Variants in RTL4 observed in about 807,000 individuals in gnomAD.
The protein encoded by RTL4 is retrotransposon Gag-like protein 4.
A neutral mutation model predicts 5.3 loss-of-function variants in RTL4; 4 were observed. That is an observed-to-expected ratio of 0.75 (90% CI 0.37 to 1.72). The LOEUF (loss-of-function observed/expected upper bound fraction) is 1.72, where lower values mean the gene tolerates loss of function less well. RTL4 is among the 40% of genes most tolerant of loss of function. The probability of loss-of-function intolerance (pLI) is 0.04; values close to 1 mark genes in which losing one functional copy is unlikely to be tolerated. For missense variants in RTL4, 260 were observed against 227.1 expected, an observed-to-expected ratio of 1.14 and a Z score of -0.93; for synonymous variants, 98 against 87.3, an observed-to-expected ratio of 1.12 and a Z score of -0.68.
At chrX:112,201,065 C>T in the RTL4 span, among the ~76,000 whole-genome samples, 14 of 111,319 alleles carry the variant, frequency 1.3e-4, no homozygotes, top group South Asian at 7.7e-4. Context: ...TCAGCACTGC[C>T]GAGGAGACCT....
At chrX:112,442,265 G>T in the RTL4 span, among the ~76,000 whole-genome samples, 5 of 107,314 alleles carry the variant, frequency 4.7e-5, no homozygotes, top group African/African-American at 1.7e-4. Context: ...TTTTGAGATG[G>T]AGTCTTGCTC....
the RTL4 span, among the ~76,000 whole-genome samples, chrX:112,161,836 C>CTTTTCTTTCTTTCTTTCTTTCTTT: frequency 1.8e-3 from 63 of 35,226 alleles, no homozygotes; most frequent in African/African-American, 7.6e-3. Context: ...TTCCTTCCTT[C>CTTTTCTTTCTTTCTTTCTTTCTTT]CTTCCTTCCT....
At chrX:112,359,536 C>CTTGAG in the RTL4 span, among the ~76,000 whole-genome samples, 36,297 of 109,861 alleles carry the variant, frequency 0.33, 5,916 homozygotes, top group African/African-American at 0.62. Context: ...TGTACCTTCT[C>CTTGAG]AAGTACTTTT....
At chrX:112,106,940 G>A in the RTL4 span, among the ~76,000 whole-genome samples, 1 of 111,699 alleles carries the variant, frequency 9.0e-6, no homozygotes, top group Non-Finnish European at 1.9e-5. Context: ...TAGATAGTTT[G>A]CAAATATTTT....
chrX:112,456,878 TTA>T (rs1926854099), exon 1 of RTL4: 1 of 123,744 alleles, frequency 8.1e-6, no homozygotes, highest in African/African-American at 3.2e-5. Flanking sequence ...ATTTTATTGC[TTA>T]TGTTTTACTC....
the RTL4 span, among the ~76,000 whole-genome samples, chrX:112,263,732 T>A: frequency 9.9e-5 from 11 of 111,454 alleles, no homozygotes; most frequent in Non-Finnish European, 1.9e-4. Flanking sequence ...TTAAATTGTG[T>A]AAGGGAGCAA....
chrX:112,357,515 A>G, the RTL4 span, among the ~76,000 whole-genome samples: 21 of 112,100 alleles, frequency 1.9e-4, no homozygotes, highest in Non-Finnish European at 2.3e-4. Context: ...TAAGATTACA[A>G]CAAACCAAAA....
the RTL4 span, among the ~76,000 whole-genome samples, chrX:112,221,572 C>T: frequency 6.3e-5 from 7 of 111,769 alleles, no homozygotes; most frequent in African/African-American, 2.3e-4. Flanking sequence ...CCTTAGCAAC[C>T]CTAGAAGGAA....
the RTL4 span, among the ~76,000 whole-genome samples, chrX:112,255,376 G>A: frequency 2.2e-4 from 25 of 111,881 alleles, no homozygotes; most frequent in African/African-American, 7.8e-4. Flanking sequence ...ACAACGTATG[G>A]AGACCAAATT....
the RTL4 span, among the ~76,000 whole-genome samples, chrX:112,219,912 C>G: frequency 4.5e-5 from 5 of 111,765 alleles, no homozygotes; most frequent in South Asian, 7.5e-4. Flanking sequence ...GATAGAAAAA[C>G]CTTTCTTTCT....
At chrX:112,220,946 G>A in the RTL4 span, among the ~76,000 whole-genome samples, 1 of 111,966 alleles carries the variant, frequency 8.9e-6, no homozygotes, top group Non-Finnish European at 1.9e-5. Flanking sequence ...TCCAACCTCT[G>A]CCTGTTATCC....
At chrX:112,121,438 A>G in the RTL4 span, among the ~76,000 whole-genome samples, 4 of 112,163 alleles carry the variant, frequency 3.6e-5, no homozygotes, top group African/African-American at 1.3e-4. Flanking sequence ...AACTAAATAA[A>G]TTTATTAACT....
chrX:112,120,514 G>C, the RTL4 span, among the ~76,000 whole-genome samples: 2 of 109,074 alleles, frequency 1.8e-5, no homozygotes, highest in African/African-American at 6.7e-5. Context: ...CTGACCTCGT[G>C]ATCTGCCCAC....
chrX:112,191,488 C>G, the RTL4 span, among the ~76,000 whole-genome samples: 2 of 111,591 alleles, frequency 1.8e-5, no homozygotes, highest in African/African-American at 6.5e-5. Context: ...ACAGAAAAGC[C>G]TAGACCCATT....
the RTL4 span, among the ~76,000 whole-genome samples, chrX:112,392,132 G>A: frequency 9.0e-6 from 1 of 111,693 alleles, no homozygotes; most frequent in Non-Finnish European, 1.9e-5. Flanking sequence ...TAGTCTGAGG[G>A]TAGCAAGGGC....
chrX:112,401,447 C>T, the RTL4 span, among the ~76,000 whole-genome samples: 1 of 111,709 alleles, frequency 9.0e-6, no homozygotes, highest in Non-Finnish European at 1.9e-5. Flanking sequence ...AATTCAACAG[C>T]TTGGTGTGTT....
At chrX:112,325,793 T>A in the RTL4 span, among the ~76,000 whole-genome samples, 3 of 112,115 alleles carry the variant, frequency 2.7e-5, no homozygotes, top group African/African-American at 6.5e-5. Context: ...AAGCCAAAAT[T>A]CACAAATGGG....
chrX:112,175,699 T>C, the RTL4 span, among the ~76,000 whole-genome samples: 136 of 111,400 alleles, frequency 1.2e-3, no homozygotes, highest in African/African-American at 4.3e-3. Flanking sequence ...CTAAAAACTC[T>C]CAATAAATTA....
At chrX:112,109,798 G>A in the RTL4 span, among the ~76,000 whole-genome samples, 5 of 111,533 alleles carry the variant, frequency 4.5e-5, no homozygotes, top group African/African-American at 6.5e-5. Flanking sequence ...GGAATTGGGC[G>A]ATGACCACTC....
Sources: gnomAD v4.1 joint callset for allele counts (sites outside exome capture counted in the v4.1 genomes callset) on GRCh38, gnomAD v4.1.1 for gene constraint, MANE v1.5 for transcripts, NCBI Gene and HGNC (gene_info 2026-07-23, HGNC 2026-07-21) for gene names.